SHE: variants seen among roughly 807,000 people sequenced by gnomAD.
SHE encodes the protein SH2 domain-containing adapter protein E.
A neutral mutation model predicts 49.8 loss-of-function variants in SHE; 11 were observed. That is an observed-to-expected ratio of 0.22 (90% CI 0.14 to 0.37). The LOEUF is 0.37. Among genes scored for constraint, SHE ranks in the 10% least tolerant of loss-of-function variants. SHE has a pLI of 1.00. For synonymous variants in SHE, 310 were observed against 278.1 expected (o/e 1.11, Z -1.14); for missense variants, 624 against 655.5 (o/e 0.95, Z 0.52).
intron 2 of SHE, among the ~76,000 whole-genome samples, chr1:154,496,482 T>C (rs996881661): frequency 2.0e-5 from 3 of 152,238 alleles, no homozygotes; most frequent in South Asian, 2.1e-4. Context: ...ACAACATTCT[T>C]GGTTGAGTGG....
downstream of SHE, among the ~76,000 whole-genome samples, chr1:154,477,414 C>T (rs540459703): frequency 2.6e-5 from 4 of 152,152 alleles, no homozygotes; most frequent in South Asian, 2.1e-4. Context: ...CCACGTTGCC[C>T]GGGCTGGTCT....
At position 154,491,296 on chromosome 1, in the gene SHE, G is replaced by T. The variant is rs982470365; in HGVS notation, c.719-1940C>A. Among the ~76,000 whole-genome samples, 31 of 152,148 alleles carry T rather than the reference G, an allele frequency of 2.0e-4. 1 individual carries two copies. The highest frequency in any genetic ancestry group is 2.1e-4 in the Non-Finnish European group (14 of 68,024). Reference sequence around the variant, plus strand: ...GGGAGGCTTACATGAGTAGGTCACTGTCTTTCTCCCCAATTTCTCAACACT... The same window carrying T: ...GGGAGGCTTACATGAGTAGGTCACTTTCTTTCTCCCCAATTTCTCAACACT... On this transcript the variant is annotated intron_variant, in intron 2 of 5. Coordinates refer to ENST00000304760, the MANE Select transcript of SHE (RefSeq NM_001010846.3).
intron 1 of SHE, among the ~76,000 whole-genome samples, chr1:154,471,448 G>C (rs1033263403): frequency 1.3e-5 from 2 of 152,106 alleles, no homozygotes; most frequent in Non-Finnish European, 2.9e-5. Flanking sequence ...GGTGGCACCT[G>C]CCTGTAGTCC....
intron 3 of SHE, among the ~76,000 whole-genome samples, chr1:154,487,940 CTT>C (rs899954087): frequency 2.8e-5 from 4 of 144,362 alleles, no homozygotes; most frequent in African/African-American, 7.6e-5. Context: ...ATTGGTTATA[CTT>C]TTTTTTTTTC....
Position 154,483,104 on chromosome 1 carries a change from A to G in SHE, c.*1045T>C, listed in dbSNP as rs1692066478. On this transcript the variant is annotated 3_prime_UTR_variant, in exon 6 of 6. Transcript: ENST00000304760. Reference sequence around the variant, plus strand: ...AAATGAAATTTTTGTTGTACCTTTTATTCTATAATTCAGAATTCTAATAAT... The same window carrying G: ...AAATGAAATTTTTGTTGTACCTTTTGTTCTATAATTCAGAATTCTAATAAT... 1.7e-5 allele frequency: 17 copies of G among 984,992 alleles called. No individual in the cohort carries two copies. Among genetic ancestry groups the G allele is most frequent in the Non-Finnish European group, 2.0e-5 (17 of 829,534 alleles). 61.0% of individuals were successfully genotyped at this position (984,992 alleles called of 1,614,324 possible). A position where few individuals can be genotyped will look rare whatever the true frequency, so the allele number is the denominator to read the frequency against.
At chr1:154,474,416 T>G (rs1395542768) in intron 1 of SHE, among the ~76,000 whole-genome samples, 1 of 152,236 alleles carries the variant, frequency 6.6e-6, no homozygotes, top group African/African-American at 2.4e-5. Context: ...TAGCCACACC[T>G]CTGCACTGCA....
chr1:154,498,704 A>G (rs1692614346), intron 2 of SHE, among the ~76,000 whole-genome samples: 1 of 152,090 alleles, frequency 6.6e-6, no homozygotes, highest in African/African-American at 2.4e-5. Flanking sequence ...CCATCCTTGC[A>G]TTTTTTAATA....
At chr1:154,497,586 A>C (rs989320733) in intron 2 of SHE, among the ~76,000 whole-genome samples, 8 of 152,250 alleles carry the variant, frequency 5.3e-5, no homozygotes, top group Admixed American at 2.0e-4. Flanking sequence ...TAGCTCACAA[A>C]CTGGAATTGT....
Position 154,499,234 on chromosome 1 carries a change from A to G in SHE, c.596T>C (p.Ile199Thr). The G allele has an allele frequency of 6.2e-7, 1 of 1,612,910 alleles. No individual in the cohort carries two copies. The highest frequency in any genetic ancestry group is 8.5e-7 in the Non-Finnish European group (1 of 1,179,430). The change falls in exon 2 of 6, where the codon ATC becomes ACC. Residue 199 changes from isoleucine (I) to threonine (T), a missense_variant. This residue lies in a region of SHE where 337 missense variants were observed against 306.0 expected (regional missense o/e 1.10). Coordinates refer to ENST00000304760, the MANE Select transcript of SHE (RefSeq NM_001010846.3). ...AGGGTCAGCATAGTCTTCTAAAATG[A>G]TGACCTGAAAAAGAACAAGAGAGGA... is the stretch of plus-strand genomic sequence containing the variant. ...GKIIKQQETV[I>T]ILEDYADPYD... is the part of the protein sequence containing the mutation.
intron 2 of SHE, among the ~76,000 whole-genome samples, chr1:154,494,374 G>GTTTTTT (rs779645667): frequency 5.9e-5 from 7 of 118,748 alleles, no homozygotes; most frequent in Non-Finnish European, 1.0e-4. Context: ...AGACATAACA[G>GTTTTTT]TTTTTTTTTT....
chr1:154,502,166 C>T lies in SHE; in HGVS notation c.-140G>A, dbSNP rs1446218118. On this transcript the variant is annotated 5_prime_UTR_variant, in exon 1 of 6. Transcript: ENST00000304760. ...CCGAGCGGGCGGGCGCTAGCCTCTG[C>T]TCCGGACACGGCAGGCGACAGGCAC... 2 of 605,966 alleles carry T rather than the reference C, an allele frequency of 3.3e-6. No individual in the cohort carries two copies. Among genetic ancestry groups the T allele is most frequent in the African/African-American group, 2.0e-5 (1 of 51,206 alleles). 37.5% of individuals were successfully genotyped at this position (605,966 alleles called of 1,614,324 possible).
chr1:154,482,820 C>T lies in SHE; in HGVS notation c.*1329G>A. 2 of 985,390 alleles carry T rather than the reference C, an allele frequency of 2.0e-6. No homozygotes were observed. The highest frequency in any genetic ancestry group is 2.4e-6 in the Non-Finnish European group (2 of 829,918). 61.0% of individuals were successfully genotyped at this position (985,390 alleles called of 1,614,324 possible). ...TCTTTTCAAACACTTCTGTATAGTA[C>T]AAGGCAGTCTGCTTGGTACAGAACG... On this transcript the variant is annotated 3_prime_UTR_variant, in exon 6 of 6. Transcript: ENST00000304760.
chr1:154,502,004 C>T lies in SHE; in HGVS notation c.23G>A (p.Gly8Asp). The T allele has an allele frequency of 7.2e-7, 1 of 1,388,766 alleles. No individual in the cohort carries two copies. The highest frequency in any genetic ancestry group is 9.3e-7 in the Non-Finnish European group (1 of 1,080,146). The allele number at this position is 1,388,766 out of a possible 1,614,324, so 86.0% of individuals were successfully genotyped here. A position where few individuals can be genotyped will look rare whatever the true frequency, so the allele number is the denominator to read the frequency against. The change falls in exon 1 of 6, where the codon GGC becomes GAC. Residue 8 changes from glycine (G) to aspartate (D), a missense_variant. Around this residue, in one of 4 missense-constraint regions of SHE, gnomAD observed 337 missense variants for 306.0 expected, o/e 1.10. Transcript: ENST00000304760. The part of the protein sequence containing the change: MQWSPTP[G>D]ASACLGWASS... The stretch of plus-strand genomic sequence containing the variant: ...AGCCCAGCCCAGACACGCAGAGGCG[C>T]CAGGGGTCGGGGACCACTGCATTCC...
intron 5 of SHE, chr1:154,484,941 G>A (rs1317589134): frequency 8.0e-5 from 12 of 150,038 alleles, no homozygotes; most frequent in African/African-American, 2.7e-4. Flanking sequence ...CTCTAGCCTA[G>A]GCAACAGAGT....
chr1:154,486,398 T>C, intron 4 of SHE, 129 bp downstream of exon 4: 1 of 1,328,482 alleles, frequency 7.5e-7, no homozygotes. Context: ...TGGGTTTTCA[T>C]TAAAAACCCC....
At chr1:154,500,761 C>T (rs1026142774) in intron 1 of SHE, among the ~76,000 whole-genome samples, 5 of 152,226 alleles carry the variant, frequency 3.3e-5, no homozygotes, top group Admixed American at 6.5e-5. Context: ...GCAGGAAACA[C>T]CCTCTCTTCT....
chr1:154,492,666 T>C (rs1692403924), intron 2 of SHE, among the ~76,000 whole-genome samples: 1 of 152,106 alleles, frequency 6.6e-6, no homozygotes, highest in Non-Finnish European at 1.5e-5. Flanking sequence ...TTGGTTCAAT[T>C]AAGACAAGGC....
At chr1:154,478,428 CAAA>C (rs10594379), downstream of SHE, among the ~76,000 whole-genome samples, 8,153 of 113,298 alleles carry the variant, frequency 0.072, 269 homozygotes, top group African/African-American at 0.097. Flanking sequence ...ATAAAAAGTG[CAAA>C]AAAAAAAAAA....
chr1:154,470,107 C>A, exon 2 of SHE: 1 of 355,934 alleles, frequency 2.8e-6, no homozygotes, highest in Non-Finnish European at 5.5e-6. Context: ...AGCCACAGGA[C>A]AGGTGATGGT....
Sources: allele counts gnomAD v4.1 joint callset (sites outside exome capture counted in the v4.1 genomes callset), GRCh38; gene constraint gnomAD v4.1.1; regional missense constraint gnomAD v4.1.1; transcripts MANE v1.5; gene names NCBI Gene and HGNC (gene_info 2026-07-23, HGNC 2026-07-21).